The following MYT1L variants were observed in gnomAD, a reference collection of about 807,000 sequenced individuals.
MYT1L encodes the protein myelin transcription factor 1 like, also known as myelin transcription factor 1-like protein.
Under a neutral mutation model 126.7 loss-of-function variants are expected in MYT1L, and 12 were observed. The observed-to-expected ratio is 0.09, with a 90% CI of 0.06 to 0.15. MYT1L has a LOEUF of 0.15. Among genes scored for constraint, MYT1L ranks in the 10% least tolerant of loss-of-function variants. MYT1L has a pLI of 1.00. For synonymous variants in MYT1L, 541 were observed against 604.2 expected, an observed-to-expected ratio of 0.90 and a Z score of 1.53; for missense variants, 979 against 1,585.2, an observed-to-expected ratio of 0.62 and a Z score of 6.49.
chr2:2,227,806 A>T (rs2094051869), intron 2 of MYT1L, among the ~76,000 whole-genome samples: 1 of 152,196 alleles, frequency 6.6e-6, no homozygotes, highest in Non-Finnish European at 1.5e-5. Context: ...TTTTTCACTG[A>T]ATTATCAAAA....
chr2:2,010,200 C>A (rs965672358), intron 4 of MYT1L, among the ~76,000 whole-genome samples: 60 of 152,176 alleles, frequency 3.9e-4, no homozygotes, highest in African/African-American at 1.3e-3. Context: ...TGCTTAGCTG[C>A]TTTTCTGTGT....
intron 3 of MYT1L, among the ~76,000 whole-genome samples, chr2:2,057,612 A>G (rs1056913410): frequency 1.3e-5 from 2 of 151,598 alleles, no homozygotes; most frequent in Non-Finnish European, 2.9e-5. Flanking sequence ...TTCAGAGCCA[A>G]CTCTCCTACC....
At chr2:2,213,438 C>T (rs1414803686) in intron 2 of MYT1L, among the ~76,000 whole-genome samples, 2 of 152,092 alleles carry the variant, frequency 1.3e-5, no homozygotes, top group Non-Finnish European at 2.9e-5. Context: ...CCAACAGTAT[C>T]CAACATAATA....
At chr2:1,958,749 C>G (rs1326024031) in intron 8 of MYT1L, among the ~76,000 whole-genome samples, 3 of 149,304 alleles carry the variant, frequency 2.0e-5, no homozygotes. Context: ...TTCTCCGGCC[C>G]ACCCAACTGC....
chr2:2,295,146 A>T (rs2095652569), intron 1 of MYT1L, among the ~76,000 whole-genome samples: 1 of 152,150 alleles, frequency 6.6e-6, no homozygotes, highest in African/African-American at 2.4e-5. Context: ...TTCAGAGCAG[A>T]TGTGATAGGA....
chr2:2,117,473 G>C (rs1018282626), intron 3 of MYT1L, among the ~76,000 whole-genome samples: 1 of 152,094 alleles, frequency 6.6e-6, no homozygotes, highest in Non-Finnish European at 1.5e-5. Flanking sequence ...CCGCCGTGTA[G>C]GGTCTATGAT....
chr2:2,132,101 G>T (rs2082444049), intron 3 of MYT1L, among the ~76,000 whole-genome samples: 1 of 151,444 alleles, frequency 6.6e-6, no homozygotes, highest in Non-Finnish European at 1.5e-5. Context: ...AGAGATGGGG[G>T]TTTCACCACA....
intron 2 of MYT1L, among the ~76,000 whole-genome samples, chr2:2,255,429 C>T (rs560524782): frequency 3.9e-5 from 6 of 152,230 alleles, no homozygotes; most frequent in East Asian, 3.9e-4. Context: ...AAAAGGGTAA[C>T]GGTTGCCCTC....
chr2:2,271,051 TC>T (rs2095254069), intron 2 of MYT1L, among the ~76,000 whole-genome samples: 1 of 152,100 alleles, frequency 6.6e-6, no homozygotes, highest in African/African-American at 2.4e-5. Context: ...GCTCGAGAGG[TC>T]CCGTGTCTGT....
At chr2:1,869,338 G>A (rs745876825) in intron 18 of MYT1L, among the ~76,000 whole-genome samples, 4 of 152,268 alleles carry the variant, frequency 2.6e-5, no homozygotes, top group East Asian at 3.9e-4. Flanking sequence ...TGGCGCAGCC[G>A]GTTGGGAAGG....
At position 2,090,693 on chromosome 2, in the gene MYT1L, A is replaced by T. The variant is rs1488207063; in HGVS notation, c.-303-36570T>A. Among the ~76,000 whole-genome samples, 4 of 152,358 alleles carry T rather than the reference A, an allele frequency of 2.6e-5. No individual in the cohort carries two copies. In the East Asian group the frequency reaches 7.7e-4, roughly 29 times the overall value. On this transcript the variant is annotated intron_variant, in intron 3 of 24. Transcript: ENST00000647738. ...TTCACTAAAGATTTCTCTGAGGCACATGATGCTGTTTGATAGGACTTTAAC... is the reference window on the plus strand; with the variant it reads ...TTCACTAAAGATTTCTCTGAGGCACTTGATGCTGTTTGATAGGACTTTAAC...
intron 2 of MYT1L, among the ~76,000 whole-genome samples, chr2:2,182,180 G>T (rs761378624): frequency 6.6e-6 from 1 of 151,996 alleles, no homozygotes; most frequent in African/African-American, 2.4e-5. Flanking sequence ...CACTCTGACC[G>T]CACTGTGTCT....
At chr2:2,189,898 G>A (rs1399794812) in intron 2 of MYT1L, among the ~76,000 whole-genome samples, 6 of 151,462 alleles carry the variant, frequency 4.0e-5, no homozygotes, top group Non-Finnish European at 3.0e-5. Context: ...AGGACCGCAC[G>A]GGGAGAAGGA....
At chr2:2,191,523 A>C (rs1030408521) in intron 2 of MYT1L, among the ~76,000 whole-genome samples, 20 of 152,178 alleles carry the variant, frequency 1.3e-4, no homozygotes, top group African/African-American at 4.6e-4. Flanking sequence ...TCAGCATCCT[A>C]CAGGAAGCAG....
intron 2 of MYT1L, among the ~76,000 whole-genome samples, chr2:2,207,672 C>A (rs1467989604): frequency 1.3e-5 from 2 of 152,162 alleles, no homozygotes; most frequent in Non-Finnish European, 2.9e-5. Context: ...TACAGTGAGA[C>A]AAGTTTTGCA....
At chr2:2,000,421 T>G (rs1049521477) in intron 4 of MYT1L, among the ~76,000 whole-genome samples, 4 of 152,208 alleles carry the variant, frequency 2.6e-5, no homozygotes, top group Non-Finnish European at 5.9e-5. Flanking sequence ...CTAATTTGTT[T>G]CTGTTTATTT....
At chr2:2,138,951 A>T (rs535190830) in intron 3 of MYT1L, among the ~76,000 whole-genome samples, 1 of 152,014 alleles carries the variant, frequency 6.6e-6, no homozygotes, top group Admixed American at 6.6e-5. Context: ...GCCACTTGCC[A>T]TGCCATTCTG....
chr2:2,301,222 C>T (rs1332574942), intron 1 of MYT1L, among the ~76,000 whole-genome samples: 1 of 152,142 alleles, frequency 6.6e-6, no homozygotes, highest in Non-Finnish European at 1.5e-5. Flanking sequence ...TCTCTCTTTT[C>T]TTTGTTTCCA....
intron 4 of MYT1L, among the ~76,000 whole-genome samples, chr2:2,026,623 GGTT>G (rs1008349437): frequency 3.9e-5 from 6 of 152,218 alleles, no homozygotes; most frequent in Admixed American, 2.0e-4. Flanking sequence ...CCGTGGTGGA[GGTT>G]GTTCTGCAGG....
Sources: allele counts gnomAD v4.1 joint callset (sites outside exome capture counted in the v4.1 genomes callset), GRCh38; gene constraint gnomAD v4.1.1; transcripts MANE v1.5; gene names NCBI Gene and HGNC (gene_info 2026-07-23, HGNC 2026-07-21).